Variants in PDE11A observed in about 807,000 individuals in gnomAD.
PDE11A encodes the protein dual 3',5'-cyclic-AMP and -GMP phosphodiesterase 11A.
Under a neutral mutation model 100.5 loss-of-function variants are expected in PDE11A, and 100 were observed. That is an observed-to-expected ratio of 1.00 (90% CI 0.85 to 1.18). PDE11A has a LOEUF of 1.18. Among genes scored for constraint, PDE11A ranks in the 50% most tolerant of loss-of-function variants. PDE11A has a pLI of 0.00. For missense variants in PDE11A, 1,141 were observed against 1,152.6 expected (o/e 0.99, Z 0.15); for synonymous variants, 381 against 420.8 (o/e 0.91, Z 1.16).
intron 2 of PDE11A, among the ~76,000 whole-genome samples, chr2:177,911,885 A>G (rs1484049865): frequency 6.9e-6 from 1 of 143,926 alleles, no homozygotes; most frequent in Non-Finnish European, 1.5e-5. Context: ...CTCCATCTCC[A>G]AAAAAAAAAA....
chr2:177,697,390 C>A lies in PDE11A; in HGVS notation c.2287G>T (p.Asp763Tyr). ...FANLSSKEYS[D>Y]LMQLLKQSIL... is the part of the protein sequence containing the mutation. The stretch of plus-strand genomic sequence containing the variant: ...GACTGCTTCAAAAGCTGCATAAGGT[C>A]ACTATATTCCTTGGAGGACAGGTTA... Residue 763 changes from aspartate to tyrosine, a missense_variant, in exon 15 of 20, where the codon GAC (aspartate) becomes TAC (tyrosine). Asp to Tyr is a radical substitution (Grantham distance 160). Transcript: ENST00000286063. The A allele has an allele frequency of 6.2e-7, 1 of 1,601,682 alleles. No homozygotes were observed. The highest frequency in any genetic ancestry group is 1.1e-5 in the South Asian group (1 of 90,794).
chr2:177,695,903 T>C (rs2081105246), intron 15 of PDE11A, among the ~76,000 whole-genome samples: 4 of 152,084 alleles, frequency 2.6e-5, no homozygotes. Context: ...CAAGACTTCC[T>C]AGAAAAAGTG....
intron 4 of PDE11A, among the ~76,000 whole-genome samples, chr2:177,878,646 A>G (rs2105700220): frequency 6.6e-6 from 1 of 152,250 alleles, no homozygotes. Context: ...CATTTTATTG[A>G]CAGCAAATTA....
At chr2:177,945,756 C>CCG (rs1397652335) in intron 2 of PDE11A, among the ~76,000 whole-genome samples, 3 of 151,292 alleles carry the variant, frequency 2.0e-5, no homozygotes, top group African/African-American at 7.3e-5. Flanking sequence ...GCCCGGCCAG[C>CCG]TGCCCCATCC....
intron 10 of PDE11A, among the ~76,000 whole-genome samples, chr2:177,733,833 C>T (rs1322779806): frequency 6.6e-6 from 1 of 152,210 alleles, no homozygotes; most frequent in Non-Finnish European, 1.5e-5. Flanking sequence ...TGCATATACT[C>T]ACTCATTTGA....
intron 1 of PDE11A, among the ~76,000 whole-genome samples, chr2:178,026,482 G>A (rs912663375): frequency 6.6e-6 from 1 of 151,952 alleles, no homozygotes; most frequent in Admixed American, 6.6e-5. Flanking sequence ...CCAACATGGT[G>A]AAACCCCGTC....
chr2:177,732,229 A>T (rs1174860542), intron 10 of PDE11A, among the ~76,000 whole-genome samples: 1 of 152,216 alleles, frequency 6.6e-6, no homozygotes, highest in Admixed American at 6.5e-5. Context: ...TTAGAGGCAG[A>T]TGCCATGTTT....
rs139492149 is a variant in PDE11A at position 177,629,098 on chromosome 2, A to G, written c.*309T>C. 1.2e-3 allele frequency: 527 copies of G among 423,950 alleles called. 3 individuals are homozygous for G. The highest frequency in any genetic ancestry group is 9.6e-3 in the African/African-American group (480 of 50,082). The allele number at this position is 423,950 out of a possible 1,614,324, so 26.3% of individuals were successfully genotyped here. On this transcript the variant is annotated 3_prime_UTR_variant, in exon 20 of 20. Transcript: ENST00000286063. Reference sequence around the variant, plus strand: ...AGTGTTCCCTCAGCTCAGAGTAAGTAGGCCGACTGTCCACAGGTCCTTGGA... The same window carrying G: ...AGTGTTCCCTCAGCTCAGAGTAAGTGGGCCGACTGTCCACAGGTCCTTGGA...
In PDE11A at chr2:177,736,025, G is replaced by A. The variant is rs368569950; in HGVS notation, c.1789-7853C>T. ...CCCTTTCTTTGCTGCACTCAACAGC[G>A]AACCCTTTCTTTCCTCTCCTGGGAA... On this transcript the variant is annotated intron_variant, in intron 10 of 19. Coordinates refer to ENST00000286063, the MANE Select transcript of PDE11A (RefSeq NM_016953.4). 2.2e-4 allele frequency among the ~76,000 whole-genome samples: 34 copies of A among 152,278 alleles called. No individual in the cohort carries two copies. In the East Asian group the frequency reaches 5.0e-3, roughly 22 times the overall value.
At chr2:177,887,544 G>T (rs1369085868) in intron 4 of PDE11A, among the ~76,000 whole-genome samples, 1 of 152,114 alleles carries the variant, frequency 6.6e-6, no homozygotes, top group Non-Finnish European at 1.5e-5. Context: ...TGGAAGGATT[G>T]CTTGAGCACA....
chr2:177,922,407 G>A (rs533332998), intron 2 of PDE11A, among the ~76,000 whole-genome samples: 4 of 151,932 alleles, frequency 2.6e-5, no homozygotes, highest in African/African-American at 9.7e-5. Flanking sequence ...TGCACATTGT[G>A]TACAGGTACC....
At chr2:178,052,069 A>G (rs2086835667) in intron 1 of PDE11A, among the ~76,000 whole-genome samples, 1 of 152,176 alleles carries the variant, frequency 6.6e-6, no homozygotes, top group Admixed American at 6.5e-5. Context: ...CATTCTTTTC[A>G]GCACCACACC....
chr2:177,956,232 A>G (rs922225518), intron 2 of PDE11A, among the ~76,000 whole-genome samples: 1 of 152,242 alleles, frequency 6.6e-6, no homozygotes, highest in Non-Finnish European at 1.5e-5. Context: ...AAACAACCCC[A>G]TCAAAAAGTG....
chr2:178,098,398 A>G (rs1053006460), intron 2 of PDE11A, among the ~76,000 whole-genome samples: 4 of 152,240 alleles, frequency 2.6e-5, no homozygotes, highest in Non-Finnish European at 4.4e-5. Context: ...AACTGTGGTA[A>G]TTATGGTTAC....
intron 13 of PDE11A, among the ~76,000 whole-genome samples, chr2:177,703,785 T>C (rs1211862258): frequency 6.6e-6 from 1 of 151,418 alleles, no homozygotes. Context: ...GGAGTGGGGA[T>C]GGGGACGATA....
chr2:177,998,383 T>C (rs957440024), intron 2 of PDE11A: 2 of 842,378 alleles, frequency 2.4e-6, no homozygotes, highest in African/African-American at 3.3e-5. Flanking sequence ...AAAGTCCCTT[T>C]TCCATCCATG....
chr2:177,762,172 C>A (rs1449586997), intron 10 of PDE11A, among the ~76,000 whole-genome samples: 1 of 151,980 alleles, frequency 6.6e-6, no homozygotes, highest in Non-Finnish European at 1.5e-5. Context: ...TGATGAGGAC[C>A]CCATGATGAC....
intron 2 of PDE11A, among the ~76,000 whole-genome samples, chr2:177,946,359 G>C (rs1211221172): frequency 1.0e-5 from 1 of 98,114 alleles, no homozygotes; most frequent in Non-Finnish European, 2.3e-5. Context: ...CCGGCCAGCC[G>C]CCCCGTCCGG....
In PDE11A at chr2:177,728,137, G is replaced by A. The variant is rs773195693; in HGVS notation, c.1824C>T (p.Ile608=). 8.1e-6 allele frequency: 13 copies of A among 1,612,794 alleles called. No individual in the cohort carries two copies. Among genetic ancestry groups the A allele is most frequent in the African/African-American group, 5.3e-5 (4 of 74,834 alleles). Residue 608 remains isoleucine (I), a synonymous_variant, in exon 11 of 20, where the codon ATC becomes ATT. Transcript: ENST00000286063. ...ANIPLVSELA[I]DDIHFDDFSL... Reference sequence around the variant, plus strand: ...AAAAGTCATCAAAATGAATGTCATCGATGGCAAGTTCTGACACCAGAGGGA... The same window carrying A: ...AAAAGTCATCAAAATGAATGTCATCAATGGCAAGTTCTGACACCAGAGGGA...
Sources: allele counts gnomAD v4.1 joint callset (sites outside exome capture counted in the v4.1 genomes callset), GRCh38; gene constraint gnomAD v4.1.1; transcripts MANE v1.5; gene names NCBI Gene and HGNC (gene_info 2026-07-23, HGNC 2026-07-21).